The following SETD9 variants were observed in gnomAD, a reference collection of about 807,000 sequenced individuals.
The protein encoded by SETD9 is SET domain-containing protein 9.
A neutral mutation model predicts 36.4 loss-of-function variants in SETD9; 37 were observed. That is an observed-to-expected ratio of 1.02 (90% confidence interval 0.78 to 1.34). SETD9 has a LOEUF of 1.34. Ranked by LOEUF, SETD9 falls within the 40% of genes most tolerant of loss-of-function variation. The pLI is 0.00. For synonymous variants in SETD9, 128 were observed against 132.9 expected (o/e 0.96, Z 0.26); for missense variants, 323 against 353.2 (o/e 0.91, Z 0.69).
At chr5:56,925,494 C>T (rs1749923878) in exon 6 of SETD9, 1 of 283,486 alleles carries the variant, frequency 3.5e-6, no homozygotes. Context: ...ATTTAAAACA[C>T]AAGACCATTT....
At chr5:56,913,256 G>C in intron 3 of SETD9, 122 bp downstream of exon 3, 1 of 1,204,480 alleles carries the variant, frequency 8.3e-7, no homozygotes. Context: ...GTCTTGCTAT[G>C]TTGTCCAGGC....
rs1749474631 is a variant in SETD9, at chr5:56,917,202, G to C, written c.*300G>C. On this transcript the variant is annotated 3_prime_UTR_variant, in exon 6 of 6. Coordinates refer to ENST00000285947, the MANE Select transcript of SETD9 (RefSeq NM_153706.4). ...AACTTATAATTTCAATTTTTCTTTT[G>C]TTTATTTTGTAAGCTCTGTGGTGGT... 1 of 1,065,044 alleles carries C rather than the reference G, an allele frequency of 9.4e-7. No individual in the cohort carries two copies. Among genetic ancestry groups the C allele is most frequent in the African/African-American group, 1.7e-5 (1 of 58,162 alleles). The allele number at this position is 1,065,044 out of a possible 1,614,324, so 66.0% of individuals were successfully genotyped here.
chr5:56,914,085 C>A (rs760185868), intron 4 of SETD9, 96 bp downstream of exon 4: 9 of 796,132 alleles, frequency 1.1e-5, no homozygotes, highest in Non-Finnish European at 1.9e-5. Flanking sequence ...TTGAGTATAA[C>A]ATATAATAAG....
chr5:56,924,229 TGAG>T (rs1484340892), intron 5 of SETD9, among the ~76,000 whole-genome samples: 1 of 152,048 alleles, frequency 6.6e-6, no homozygotes, highest in African/African-American at 2.4e-5. Flanking sequence ...CATTTAATAA[TGAG>T]GCCATTTTCG....
downstream of SETD9, among the ~76,000 whole-genome samples, chr5:56,927,669 T>A (rs1750058995): frequency 6.6e-6 from 1 of 152,118 alleles, no homozygotes; most frequent in South Asian, 2.1e-4. Flanking sequence ...CATCCTACAT[T>A]GGAGTAGTGT....
At chr5:56,914,101 C>G in intron 4 of SETD9, 112 bp downstream of exon 4, 1 of 637,302 alleles carries the variant, frequency 1.6e-6, no homozygotes, top group Non-Finnish European at 2.7e-6. Flanking sequence ...ATAAGCTAGT[C>G]AAGTCCTTAA....
chr5:56,927,971 A>G (rs1750077561), downstream of SETD9: 1 of 149,546 alleles, frequency 6.7e-6, no homozygotes, highest in South Asian at 2.1e-4. Context: ...GCTACAGTAT[A>G]GAGTCTTTTC....
At chr5:56,912,116 T>C in intron 2 of SETD9, 1 of 919,264 alleles carries the variant, frequency 1.1e-6, no homozygotes, top group Non-Finnish European at 1.3e-6. Context: ...GATTGTGCCA[T>C]TGCGCTCCAG....
At chr5:56,917,450 A>G, downstream of SETD9, 1 of 505,362 alleles carries the variant, frequency 2.0e-6, no homozygotes. Flanking sequence ...TTTTCACACC[A>G]AAGAAAAGGT....
At chr5:56,923,362 T>C (rs762522305) in intron 5 of SETD9, 12 of 1,614,076 alleles carry the variant, frequency 7.4e-6, no homozygotes, top group Admixed American at 1.7e-5. Context: ...TCTCTGACTC[T>C]TCACTGCACA....
chr5:56,923,104 G>A lies in SETD9; in HGVS notation c.813-2229G>A, dbSNP rs534413816. 3.6e-5 allele frequency: 58 copies of A among 1,597,368 alleles called. 1 individual carries two copies. The South Asian group carries it at 4.3e-4, about 12-fold the overall frequency. Reference sequence around the variant, plus strand: ...CCTCAAGTTTACTGGTGCTGCACACGCAGTTCCGGGATCCTCACTCAGGTC... The same window carrying A: ...CCTCAAGTTTACTGGTGCTGCACACACAGTTCCGGGATCCTCACTCAGGTC... On this transcript the variant is annotated intron_variant, in intron 5 of 5. Coordinates refer to the SETD9 transcript ENST00000628593.
At chr5:56,928,449 A>T (rs949576423), downstream of SETD9, 1 of 177,322 alleles carries the variant, frequency 5.6e-6, no homozygotes, top group African/African-American at 2.4e-5. Flanking sequence ...AAGAGAAATT[A>T]TTTTGAGGCC....
downstream of SETD9, among the ~76,000 whole-genome samples, chr5:56,918,262 G>T (rs60966120): frequency 6.6e-6 from 1 of 151,942 alleles, no homozygotes; most frequent in South Asian, 2.1e-4. Flanking sequence ...TCCCAACCAA[G>T]GACTTTTGCA....
chr5:56,923,792 C>A (rs375553373), intron 5 of SETD9: 1 of 1,614,178 alleles, frequency 6.2e-7, no homozygotes, highest in Non-Finnish European at 8.5e-7. Flanking sequence ...TACCGTCCCA[C>A]CCAAAGCTTC....
intron 2 of SETD9, 169 bp downstream of exon 2, chr5:56,911,705 T>C (rs1217657410): frequency 1.4e-6 from 1 of 696,882 alleles, no homozygotes; most frequent in African/African-American, 1.8e-5. Flanking sequence ...TTGTAAATTG[T>C]TTTGTGTTAG....
intron 5 of SETD9, chr5:56,923,379 T>G (rs761210538): frequency 4.3e-6 from 7 of 1,614,184 alleles, no homozygotes; most frequent in Non-Finnish European, 5.9e-6. Flanking sequence ...CACATGTTCA[T>G]AGGGTTTAGC....
chr5:56,910,903 G>T (rs76541582), intron 1 of SETD9: 416 of 239,216 alleles, frequency 1.7e-3, no homozygotes, highest in South Asian at 3.4e-3. Flanking sequence ...TGCTTTCCTT[G>T]TCTGCAAAAA....
At chr5:56,916,421 CAG>C (rs1328588075) in intron 5 of SETD9, among the ~76,000 whole-genome samples, 14 of 152,082 alleles carry the variant, frequency 9.2e-5, no homozygotes, top group African/African-American at 3.1e-4. Context: ...TTATGATGTC[CAG>C]AAAAAAGCAT....
intron 2 of SETD9, 28 bp downstream of exon 2, chr5:56,911,564 G>C (rs747504552): frequency 6.7e-7 from 1 of 1,489,568 alleles, no homozygotes; most frequent in South Asian, 1.4e-5. Flanking sequence ...ATTATACTTT[G>C]CCAAGCTTCT....
Sources: gnomAD v4.1 joint callset for allele counts (sites outside exome capture counted in the v4.1 genomes callset) on GRCh38, gnomAD v4.1.1 for gene constraint, MANE v1.5 for transcripts, NCBI Gene and HGNC (gene_info 2026-07-23, HGNC 2026-07-21) for gene names.